Variants in RAB19 observed in about 807,000 individuals in gnomAD.
The protein encoded by RAB19 is ras-related protein Rab-19.
RAB19 carries 21 observed loss-of-function variants against 17.3 expected under a neutral mutation model. The ratio of observed to expected loss-of-function variants is 1.21; its 90% CI spans 0.86 to 1.74. The LOEUF (loss-of-function observed/expected upper bound fraction) is 1.74. RAB19 is among the 40% of genes most tolerant of loss of function. The probability of loss-of-function intolerance (pLI) is 0.00; values close to 1 mark genes in which losing one functional copy is unlikely to be tolerated. For synonymous variants in RAB19, 126 were observed against 110.4 expected (o/e 1.14, Z -0.88); for missense variants, 277 against 286.8 (o/e 0.97, Z 0.25).
At position 140,407,307 on chromosome 7, in the gene RAB19, G is replaced by A. The variant is rs948907199; in HGVS notation, c.-23-317G>A. On this transcript the variant is annotated intron_variant, in intron 1 of 3. Transcript: ENST00000537763. ...TTCCTCTGCCATTCTCCTGCTCTCC[G>A]GGCACTCTGATGGAGCATGTGGCAC... Among the ~76,000 whole-genome samples, 14 of 152,070 alleles carry A rather than the reference G, an allele frequency of 9.2e-5. No individual in the cohort carries two copies. The East Asian group carries it at 1.7e-3, about 19-fold the overall frequency.
At chr7:140,406,922 G>GT (rs1474095003) in intron 1 of RAB19, among the ~76,000 whole-genome samples, 3 of 151,074 alleles carry the variant, frequency 2.0e-5, no homozygotes, top group African/African-American at 7.3e-5. Context: ...TTTCGCTCTT[G>GT]TTGCCCAGGC....
intron 1 of RAB19, among the ~76,000 whole-genome samples, chr7:140,406,733 T>C (rs1799247816): frequency 6.6e-6 from 1 of 152,088 alleles, no homozygotes; most frequent in African/African-American, 2.4e-5. Context: ...GGTTTTAATT[T>C]TGAATATTCT....
Position 140,427,739 on chromosome 7 carries a change from A to G in RAB19, c.*1589A>G, listed in dbSNP as rs901798375. Among the ~76,000 whole-genome samples the G allele has an allele frequency of 1.3e-5, 2 of 151,816 alleles. No homozygotes were observed. Among genetic ancestry groups the G allele is most frequent in the African/African-American group, 4.8e-5 (2 of 41,320 alleles). On this transcript the variant is annotated 3_prime_UTR_variant, in exon 4 of 4. Coordinates refer to ENST00000537763, the MANE Select transcript of RAB19 (RefSeq NM_001008749.3). Reference sequence around the variant, plus strand: ...AGTGCTGGGATTACAGGTGTGAACCACCGCACCTGGCCTTTTTTTATTATT... The same window carrying G: ...AGTGCTGGGATTACAGGTGTGAACCGCCGCACCTGGCCTTTTTTTATTATT...
chr7:140,424,710 G>A (rs1220816188), intron 3 of RAB19, among the ~76,000 whole-genome samples: 2 of 142,764 alleles, frequency 1.4e-5, no homozygotes, highest in African/African-American at 5.2e-5. Context: ...CATATATAAT[G>A]ACTTCCCATA....
chr7:140,411,011 G>T, intron 2 of RAB19: 1 of 1,367,778 alleles, frequency 7.3e-7, no homozygotes, highest in South Asian at 1.1e-5. Flanking sequence ...CCAGTATTCA[G>T]ATCCACGGGC....
At chr7:140,411,461 G>T (rs368694751) in intron 2 of RAB19, among the ~76,000 whole-genome samples, 6 of 151,508 alleles carry the variant, frequency 4.0e-5, no homozygotes, top group African/African-American at 1.5e-4. Flanking sequence ...CAAGCTTCTG[G>T]TTTCCCTGGG....
At chr7:140,414,096 G>C (rs753005510) in intron 3 of RAB19, among the ~76,000 whole-genome samples, 1 of 152,118 alleles carries the variant, frequency 6.6e-6, no homozygotes, top group Non-Finnish European at 1.5e-5. Flanking sequence ...CTAGGCTGGA[G>C]TGCAGTGGCA....
At chr7:140,411,709 G>C (rs2971688) in intron 2 of RAB19, 165 bp from the exon 3 acceptor site, 611,152 of 1,454,354 alleles carry the variant, frequency 0.42, 130,872 homozygotes, top group Non-Finnish European at 0.45. Flanking sequence ...AGTCATCCAG[G>C]GAGCAACTGA....
intron 3 of RAB19, among the ~76,000 whole-genome samples, chr7:140,413,221 A>C (rs1181880469): frequency 2.6e-5 from 4 of 152,114 alleles, no homozygotes; most frequent in African/African-American, 4.8e-5. Flanking sequence ...TGGATTCTGG[A>C]TTCTGTTCCA....
chr7:140,405,245 A>T (rs560828158), intron 1 of RAB19, among the ~76,000 whole-genome samples: 1 of 150,564 alleles, frequency 6.6e-6, no homozygotes, highest in South Asian at 2.1e-4. Context: ...TTTGAAACGG[A>T]GTTTCGCTCT....
intron 3 of RAB19, among the ~76,000 whole-genome samples, chr7:140,415,727 C>T (rs192705955): frequency 1.3e-5 from 2 of 151,480 alleles, no homozygotes; most frequent in East Asian, 3.9e-4. Flanking sequence ...CCAAGGCGGG[C>T]GGATTATTTT....
chr7:140,424,607 CTCTCTCTCTCTCTA>C (rs1180571818), intron 3 of RAB19, among the ~76,000 whole-genome samples: 67 of 95,292 alleles, frequency 7.0e-4, no homozygotes, highest in Admixed American at 1.3e-3. Flanking sequence ...CTCTCTCTCT[CTCTCTCTCTCTCTA>C]TATATATATA....
rs1799684399 is a variant in RAB19, at chr7:140,427,020, T to G, written c.*870T>G. On this transcript the variant is annotated 3_prime_UTR_variant, in exon 4 of 4. Transcript: ENST00000537763. Reference sequence around the variant, plus strand: ...CCACTCCTGGCTAATTTTTGTATTTTTTGTAGAGACAAGGTTTCACCATGT... The same window carrying G: ...CCACTCCTGGCTAATTTTTGTATTTGTTGTAGAGACAAGGTTTCACCATGT... Among the ~76,000 whole-genome samples, 1 of 151,748 alleles carries G rather than the reference T, an allele frequency of 6.6e-6. No individual in the cohort carries two copies.
intron 2 of RAB19, chr7:140,410,941 C>T: frequency 7.3e-7 from 1 of 1,367,848 alleles, no homozygotes; most frequent in South Asian, 1.1e-5. Context: ...ACATTCCAAA[C>T]ATGAACAGCT....
chr7:140,410,276 G>T (rs557064801), intron 2 of RAB19, among the ~76,000 whole-genome samples: 1 of 148,968 alleles, frequency 6.7e-6, no homozygotes, highest in South Asian at 2.1e-4. Context: ...GGGACTACAG[G>T]CATGCGCCAC....
chr7:140,427,802 C>G lies in RAB19; in HGVS notation c.*1652C>G, dbSNP rs1440433971. The stretch of plus-strand genomic sequence containing the variant: ...ATGAAGTCTTGCTACGTTGCCCAGG[C>G]TGGTCTCCAATTCCTGAGCTCACAG... On this transcript the variant is annotated 3_prime_UTR_variant, in exon 4 of 4. Transcript: ENST00000537763. Among the ~76,000 whole-genome samples, 2 of 151,026 alleles carry G rather than the reference C, an allele frequency of 1.3e-5. No individual in the cohort carries two copies. Among genetic ancestry groups the G allele is most frequent in the Non-Finnish European group, 3.0e-5 (2 of 67,748 alleles).
Position 140,412,059 on chromosome 7 carries a change from T to C in RAB19, c.385+2T>C, listed in dbSNP as rs754343437. The stretch of plus-strand genomic sequence containing the variant: ...CAAATGTGGTCATTATGCTGATTGG[T>C]ATGGCATTTTTGAAGTTTTTAACTT... On this transcript the variant is annotated splice_donor_variant, in intron 3 of 3. Transcript: ENST00000537763. LOFTEE classifies it high-confidence loss of function. 1 of 1,608,590 alleles carries C rather than the reference T, an allele frequency of 6.2e-7. No individual in the cohort carries two copies. Among genetic ancestry groups the C allele is most frequent in the Admixed American group, 1.7e-5 (1 of 59,988 alleles).
intron 2 of RAB19, among the ~76,000 whole-genome samples, chr7:140,409,542 A>C (rs886285615): frequency 4.0e-5 from 6 of 151,822 alleles, no homozygotes; most frequent in Non-Finnish European, 8.8e-5. Context: ...TAAAAATACA[A>C]AAAAATTAAC....
rs1799245307 is a variant in RAB19, at chr7:140,406,605, C to CT, written c.-23-1018dup. The stretch of plus-strand genomic sequence containing the variant: ...AGTGAGCTGAGATCATGCCATTGCA[C>CT]TCCAGCCTGGGCGACACAGCGAGAC... On this transcript the variant is annotated intron_variant, in intron 1 of 3. Transcript: ENST00000537763. 2.7e-5 allele frequency among the ~76,000 whole-genome samples: 4 copies of CT among 150,642 alleles called. No individual in the cohort carries two copies. In the South Asian group the frequency reaches 8.5e-4, roughly 32 times the overall value.
Sources: allele counts gnomAD v4.1 joint callset (sites outside exome capture counted in the v4.1 genomes callset), GRCh38; gene constraint gnomAD v4.1.1; transcripts MANE v1.5; gene names NCBI Gene and HGNC (gene_info 2026-07-23, HGNC 2026-07-21).